The following EPHA4 variants were observed in gnomAD, a reference collection of about 807,000 sequenced individuals.
The protein encoded by EPHA4 is EPH receptor A4.
EPHA4 carries 19 observed loss-of-function variants against 108.3 expected under a neutral mutation model. The ratio of observed to expected loss-of-function variants is 0.18; its 90% confidence interval spans 0.12 to 0.26. EPHA4 has a LOEUF of 0.26. Ranked by LOEUF, EPHA4 falls within the 10% of genes least tolerant of loss-of-function variation. The probability of loss-of-function intolerance (pLI) is 1.00; values close to 1 mark genes in which losing one functional copy is unlikely to be tolerated. For synonymous variants in EPHA4, 449 were observed against 455.5 expected, an observed-to-expected ratio of 0.99 and a Z score of 0.18; for missense variants, 917 against 1,254.0, an observed-to-expected ratio of 0.73 and a Z score of 4.06.
At chr2:221,452,358 C>T (rs906210625) in intron 8 of EPHA4, among the ~76,000 whole-genome samples, 14 of 152,334 alleles carry the variant, frequency 9.2e-5, no homozygotes, top group African/African-American at 2.2e-4. Context: ...AAGATTATTT[C>T]GCCAGTACCA....
intron 8 of EPHA4, among the ~76,000 whole-genome samples, chr2:221,454,095 G>T (rs1267613739): frequency 6.6e-6 from 1 of 152,032 alleles, no homozygotes; most frequent in African/African-American, 2.4e-5. Flanking sequence ...CAGGAGAATT[G>T]CTTGAACCCA....
intron 6 of EPHA4, 90 bp downstream of exon 6, chr2:221,457,776 G>T: frequency 7.1e-7 from 1 of 1,403,476 alleles, no homozygotes; most frequent in Non-Finnish European, 9.7e-7. Flanking sequence ...AAGAGAGGGA[G>T]GGAGGGAGGG....
In EPHA4 at chr2:221,490,838, A is replaced by C. The variant is rs549418960; in HGVS notation, c.980-8148T>G. Among the ~76,000 whole-genome samples the C allele has an allele frequency of 2.0e-5, 3 of 152,304 alleles. No individual in the cohort carries two copies. In the East Asian group the frequency reaches 5.8e-4, roughly 29 times the overall value. ...TTGCCACCACTAATTGCTTTCTCCC[A>C]GTCCTATCTGCTGTGGGTTAGTTTA... On this transcript the variant is annotated intron_variant, in intron 4 of 17. Transcript: ENST00000281821.
intron 4 of EPHA4, among the ~76,000 whole-genome samples, chr2:221,491,275 C>A (rs895960260): frequency 2.0e-5 from 3 of 152,188 alleles, no homozygotes; most frequent in Admixed American, 6.5e-5. Flanking sequence ...TTGAGTATTT[C>A]ATTTTTAAAA....
rs79561980 is a variant in EPHA4, at chr2:221,522,239, G to A, written c.824-21067C>T. Among the ~76,000 whole-genome samples the A allele has an allele frequency of 2.6e-3, 390 of 152,334 alleles. 2 individuals carry two copies. The highest frequency in any genetic ancestry group is 6.8e-3 in the Middle Eastern group (2 of 294). Reference sequence around the variant, plus strand: ...CATTCATCGTTGAAGAACGGGGAAGGTGCATGAAGAAACCCAAGAGAAAGC... The same window carrying A: ...CATTCATCGTTGAAGAACGGGGAAGATGCATGAAGAAACCCAAGAGAAAGC... On this transcript the variant is annotated intron_variant, in intron 3 of 17. Coordinates refer to ENST00000281821, the MANE Select transcript of EPHA4 (RefSeq NM_004438.5).
intron 3 of EPHA4, among the ~76,000 whole-genome samples, chr2:221,553,599 T>C (rs1456603960): frequency 6.6e-6 from 1 of 152,186 alleles, no homozygotes; most frequent in Non-Finnish European, 1.5e-5. Context: ...AAGCGATTGT[T>C]ACAGAAACAT....
chr2:221,570,682 G>A (rs1387534198), intron 1 of EPHA4, among the ~76,000 whole-genome samples: 1 of 123,608 alleles, frequency 8.1e-6, no homozygotes, highest in African/African-American at 2.9e-5. Flanking sequence ...TCCCTCCTTC[G>A]GAACAGAGAA....
intron 2 of EPHA4, among the ~76,000 whole-genome samples, chr2:221,567,009 GAAA>G (rs200995305): frequency 8.9e-6 from 1 of 112,626 alleles, no homozygotes; most frequent in African/African-American, 3.2e-5. Context: ...AGAAGAAGAA[GAAA>G]AAAATGTCTG....
intron 3 of EPHA4, among the ~76,000 whole-genome samples, chr2:221,511,550 ATCT>A (rs1404286114): frequency 2.4e-5 from 3 of 127,122 alleles, no homozygotes; most frequent in East Asian, 2.4e-4. Context: ...TTGTCTATAA[ATCT>A]TCTTCCACCA....
chr2:221,526,990 G>T (rs1158003800), intron 3 of EPHA4, among the ~76,000 whole-genome samples: 1 of 150,982 alleles, frequency 6.6e-6, no homozygotes, highest in Non-Finnish European at 1.5e-5. Flanking sequence ...AGCCGGGCGT[G>T]GTGGTAGGCA....
intron 5 of EPHA4, among the ~76,000 whole-genome samples, chr2:221,459,911 C>T (rs1691087587): frequency 1.3e-5 from 2 of 152,128 alleles, no homozygotes; most frequent in South Asian, 2.1e-4. Context: ...TCCTGATAAT[C>T]GACAGATTCC....
chr2:221,513,435 A>AG lies in EPHA4; in HGVS notation c.824-12264dup, dbSNP rs529369078. Among the ~76,000 whole-genome samples, 6 of 152,346 alleles carry AG rather than the reference A, an allele frequency of 3.9e-5. No homozygotes were observed. The East Asian group carries it at 1.2e-3, about 29-fold the overall frequency. The stretch of plus-strand genomic sequence containing the variant: ...AAACGACTTTACAGCCTGAGTTGTC[A>AG]GGAATCATGATTTATGCAGCTGAAA... On this transcript the variant is annotated intron_variant, in intron 3 of 17. Transcript: ENST00000281821.
At chr2:221,424,525 T>C (rs1055916350) in intron 17 of EPHA4, among the ~76,000 whole-genome samples, 9 of 151,008 alleles carry the variant, frequency 6.0e-5, no homozygotes, top group Non-Finnish European at 1.3e-4. Flanking sequence ...TCCAAAGTTA[T>C]GTCCTTTGTT....
chr2:221,563,430 G>A (rs1029583326), intron 3 of EPHA4, among the ~76,000 whole-genome samples: 1 of 152,180 alleles, frequency 6.6e-6, no homozygotes, highest in African/African-American at 2.4e-5. Flanking sequence ...GATCAATCAA[G>A]GCTGTTTCTT....
intron 3 of EPHA4, among the ~76,000 whole-genome samples, chr2:221,531,360 G>A (rs761602681): frequency 2.6e-5 from 4 of 151,864 alleles, no homozygotes; most frequent in South Asian, 2.1e-4. Context: ...CAAAAGCCAC[G>A]CGTACTTTTT....
chr2:221,502,484 G>T, intron 3 of EPHA4: 2 of 470,092 alleles, frequency 4.3e-6, no homozygotes. Flanking sequence ...CATCAGCCTG[G>T]CAGCCAAAAC....
intron 3 of EPHA4, among the ~76,000 whole-genome samples, chr2:221,541,548 G>T (rs1371064265): frequency 6.6e-6 from 1 of 152,186 alleles, no homozygotes; most frequent in Non-Finnish European, 1.5e-5. Flanking sequence ...GACAGAAGTA[G>T]CTGTAGTTTG....
chr2:221,461,942 A>G (rs1004106911), intron 5 of EPHA4, among the ~76,000 whole-genome samples: 13 of 151,792 alleles, frequency 8.6e-5, no homozygotes, highest in Non-Finnish European at 1.6e-4. Context: ...GCTGAGTGTC[A>G]GAAGCAAAGC....
rs973513750 is a variant in EPHA4 at position 221,488,474 on chromosome 2, C to T, written c.980-5784G>A. On this transcript the variant is annotated intron_variant, in intron 4 of 17. Transcript: ENST00000281821. The stretch of plus-strand genomic sequence containing the variant: ...GAGTTTCTCATTGCTCTGAAAGAAA[C>T]GGGCACTGAATTTCTTGCCATTATA... 3.3e-5 allele frequency among the ~76,000 whole-genome samples: 5 copies of T among 152,128 alleles called. No homozygotes were observed. The East Asian group carries it at 7.7e-4, about 23-fold the overall frequency.
Sources: gnomAD v4.1 joint callset for allele counts (sites outside exome capture counted in the v4.1 genomes callset) on GRCh38, gnomAD v4.1.1 for gene constraint, MANE v1.5 for transcripts, NCBI Gene and HGNC (gene_info 2026-07-23, HGNC 2026-07-21) for gene names.